Variants in ROBO1 observed in about 807,000 individuals in gnomAD.
ROBO1 encodes roundabout guidance receptor 1.
In ROBO1, 149 loss-of-function variants were observed where a neutral mutation model predicts 195.9. The observed-to-expected ratio is 0.76, with a 90% CI of 0.67 to 0.87. The LOEUF is 0.87. ROBO1 is among the 40% of genes least tolerant of loss of function. The probability of loss-of-function intolerance (pLI) is 0.00; values close to 1 mark genes in which losing one functional copy is unlikely to be tolerated. For synonymous variants in ROBO1, 816 were observed against 733.2 expected, an observed-to-expected ratio of 1.11 and a Z score of -1.82; for missense variants, 1,933 against 2,068.3, an observed-to-expected ratio of 0.93 and a Z score of 1.27.
intron 1 of ROBO1, among the ~76,000 whole-genome samples, chr3:79,756,448 C>T (rs188984886): frequency 3.7e-3 from 546 of 148,254 alleles, no homozygotes; most frequent in African/African-American, 0.011. Context: ...ACTCAGGGGG[C>T]GGAGGCAGGA....
Position 79,674,832 on chromosome 3 carries a change from G to GTGTT in ROBO1, c.-50-84872_-50-84871insAACA, listed in dbSNP as rs756062695. 8.8e-3 allele frequency among the ~76,000 whole-genome samples: 1,029 copies of GTGTT among 117,572 alleles called. 8 individuals are homozygous for GTGTT. Among genetic ancestry groups the GTGTT allele is most frequent in the South Asian group, 0.052 (188 of 3,592 alleles). 77.1% of individuals were successfully genotyped at this position (117,572 alleles called of 152,430 possible). The stretch of plus-strand genomic sequence containing the variant: ...TAGATCAATCTATTTATATCCGTGT[G>GTGTT]TGTGTGTGTGTGTGTGTGTGTGTGT... On this transcript the variant is annotated intron_variant, in intron 1 of 30. Transcript: ENST00000464233.
intron 1 of ROBO1, among the ~76,000 whole-genome samples, chr3:79,720,288 C>A (rs1409165876): frequency 6.6e-6 from 1 of 152,110 alleles, no homozygotes; most frequent in Non-Finnish European, 1.5e-5. Flanking sequence ...TCAGGCACAA[C>A]AGGACAGAGA....
At position 79,662,710 on chromosome 3, in the gene ROBO1, C is replaced by T. The variant is rs149146419; in HGVS notation, c.-50-72749G>A. On this transcript the variant is annotated intron_variant, in intron 1 of 30. Transcript: ENST00000464233. ...CTGCCTCTCAAATTCCCAGTGGACC[C>T]CACCACCATCATCATTTGCTCAACT... Among the ~76,000 whole-genome samples, 63 of 152,162 alleles carry T rather than the reference C, an allele frequency of 4.1e-4. No homozygotes were observed. In the East Asian group the frequency reaches 9.7e-3, roughly 23 times the overall value.
chr3:78,926,740 C>T (rs1008973586), intron 4 of ROBO1, among the ~76,000 whole-genome samples: 1 of 151,918 alleles, frequency 6.6e-6, no homozygotes, highest in African/African-American at 2.4e-5. Context: ...CAGGGTAAGT[C>T]ATAAAGCAAA....
chr3:78,810,473 G>GA (rs982096972), intron 4 of ROBO1, among the ~76,000 whole-genome samples: 1 of 151,778 alleles, frequency 6.6e-6, no homozygotes, highest in Non-Finnish European at 1.5e-5. Context: ...ATTATTGAAG[G>GA]AAAAAAAATC....
chr3:79,297,593 A>T (rs2032662536), intron 2 of ROBO1, among the ~76,000 whole-genome samples: 1 of 152,274 alleles, frequency 6.6e-6, no homozygotes, highest in African/African-American at 2.4e-5. Context: ...CTCTGAAATT[A>T]AAAACATTTG....
chr3:78,905,006 C>G (rs2037816370), intron 4 of ROBO1, among the ~76,000 whole-genome samples: 3 of 141,102 alleles, frequency 2.1e-5, no homozygotes, highest in Non-Finnish European at 4.5e-5. Flanking sequence ...ACTATAACAC[C>G]AATAATAAAG....
intron 8 of ROBO1, among the ~76,000 whole-genome samples, chr3:78,696,716 G>GTATATATACA (rs1559756824): frequency 1.4e-5 from 2 of 138,532 alleles, no homozygotes; most frequent in Non-Finnish European, 3.1e-5. Flanking sequence ...ATATATACAC[G>GTATATATACA]TATATATACA....
intron 2 of ROBO1, among the ~76,000 whole-genome samples, chr3:79,248,374 C>CAAAAAAAAAAA (rs10559171): frequency 2.8e-5 from 1 of 36,206 alleles, no homozygotes; most frequent in Non-Finnish European, 5.6e-5. Flanking sequence ...GAAGACAGAC[C>CAAAAAAAAAAA]AAAAAAAAAA....
At chr3:79,138,608 A>G (rs1364644233) in intron 2 of ROBO1, among the ~76,000 whole-genome samples, 1 of 152,014 alleles carries the variant, frequency 6.6e-6, no homozygotes, top group Non-Finnish European at 1.5e-5. Context: ...ATTTAACTTA[A>G]TTCAGGTAAG....
intron 2 of ROBO1, among the ~76,000 whole-genome samples, chr3:79,170,425 A>G (rs1300709329): frequency 6.6e-6 from 1 of 152,200 alleles, no homozygotes; most frequent in Non-Finnish European, 1.5e-5. Flanking sequence ...TAAAGCAAAC[A>G]TACCAACATA....
At chr3:78,601,327 T>A (rs1198389539) in intron 29 of ROBO1, among the ~76,000 whole-genome samples, 2 of 152,138 alleles carry the variant, frequency 1.3e-5, no homozygotes, top group Non-Finnish European at 2.9e-5. Context: ...CACAAAAACA[T>A]CTCCACCTCT....
At position 79,724,860 on chromosome 3, in the gene ROBO1, T is replaced by A. The variant is rs529902992; in HGVS notation, c.-51+42892A>T. ...AATACACTTTTTAGACTGTATTTAC[T>A]TGATCAATTTCTGCTACTTTTGAAA... is the stretch of plus-strand genomic sequence containing the variant. On this transcript the variant is annotated intron_variant, in intron 1 of 30. Transcript: ENST00000464233. Among the ~76,000 whole-genome samples the A allele has an allele frequency of 8.5e-5, 13 of 152,314 alleles. 1 individual carries two copies. The East Asian group carries it at 2.5e-3, about 29-fold the overall frequency.
At chr3:79,144,302 A>C (rs1435438768) in intron 2 of ROBO1, among the ~76,000 whole-genome samples, 2 of 152,070 alleles carry the variant, frequency 1.3e-5, no homozygotes, top group Non-Finnish European at 2.9e-5. Context: ...ATCAGATTTT[A>C]AAAGCCACAC....
At chr3:79,071,681 T>C (rs1372960947) in intron 3 of ROBO1, among the ~76,000 whole-genome samples, 1 of 151,040 alleles carries the variant, frequency 6.6e-6, no homozygotes, top group East Asian at 2.0e-4. Flanking sequence ...CTTATATAAG[T>C]AAATTTGTAA....
At position 79,603,293 on chromosome 3, in the gene ROBO1, A is replaced by C. The variant is rs958597338; in HGVS notation, c.-50-13332T>G. The stretch of plus-strand genomic sequence containing the variant: ...GGCAGTTTCCTGAATAACAGGTTTC[A>C]TTACCTTGCCAGCCCAGAGAATTGC... On this transcript the variant is annotated intron_variant, in intron 1 of 30. Coordinates refer to ENST00000464233, the MANE Select transcript of ROBO1 (RefSeq NM_002941.4). Among the ~76,000 whole-genome samples the C allele has an allele frequency of 3.3e-5, 5 of 151,946 alleles. No homozygotes were observed. The East Asian group carries it at 9.7e-4, about 30-fold the overall frequency.
At chr3:79,519,984 C>T (rs1941137476) in intron 2 of ROBO1, among the ~76,000 whole-genome samples, 1 of 151,578 alleles carries the variant, frequency 6.6e-6, no homozygotes, top group Non-Finnish European at 1.5e-5. Context: ...TAGGAAAAGC[C>T]CCGCTGTGTA....
At chr3:78,853,984 T>C (rs1399678793) in intron 4 of ROBO1, among the ~76,000 whole-genome samples, 1 of 151,988 alleles carries the variant, frequency 6.6e-6, no homozygotes, top group Non-Finnish European at 1.5e-5. Context: ...CCACAACACA[T>C]GGGAATTATG....
At chr3:79,478,387 A>ACACCC (rs1938652282) in intron 2 of ROBO1, among the ~76,000 whole-genome samples, 4 of 137,626 alleles carry the variant, frequency 2.9e-5, no homozygotes, top group Non-Finnish European at 4.7e-5. Context: ...CTGCAGACCA[A>ACACCC]CCCCCCCACC....
Sources: allele counts gnomAD v4.1 joint callset (sites outside exome capture counted in the v4.1 genomes callset), GRCh38; gene constraint gnomAD v4.1.1; transcripts MANE v1.5; gene names NCBI Gene and HGNC (gene_info 2026-07-23, HGNC 2026-07-21).